DHRSX: variants seen among roughly 807,000 people sequenced by gnomAD.
DHRSX encodes polyprenol dehydrogenase.
A neutral mutation model predicts 34.0 loss-of-function variants in DHRSX; 31 were observed. The observed-to-expected ratio is 0.91, with a 90% CI of 0.69 to 1.23. DHRSX has a LOEUF of 1.23. Ranked by LOEUF, DHRSX falls within the 50% of genes most tolerant of loss-of-function variation. DHRSX has a pLI of 0.00. For synonymous variants in DHRSX, 201 were observed against 183.8 expected (o/e 1.09, Z -0.76); for missense variants, 414 against 428.1 (o/e 0.97, Z 0.29).
At chrX:2,238,659 C>G (rs1317995473) in intron 6 of DHRSX, among the ~76,000 whole-genome samples, 1 of 151,340 alleles carries the variant, frequency 6.6e-6, no homozygotes, top group Admixed American at 6.6e-5. Flanking sequence ...TCTCGGCTTA[C>G]TGCAACCTCC....
intron 1 of DHRSX, among the ~76,000 whole-genome samples, chrX:2,462,243 A>G (rs985908960): frequency 2.6e-5 from 4 of 152,058 alleles, no homozygotes; most frequent in African/African-American, 9.7e-5. Flanking sequence ...AGCAGTTTCC[A>G]CAAACGCCAG....
At chrX:2,403,220 G>C (rs1166544167) in intron 3 of DHRSX, among the ~76,000 whole-genome samples, 2 of 152,030 alleles carry the variant, frequency 1.3e-5, no homozygotes, top group African/African-American at 4.8e-5. Flanking sequence ...AAGGATTGTT[G>C]ACTGTAGTCA....
At chrX:2,473,940 G>A (rs1251474443) in intron 1 of DHRSX, among the ~76,000 whole-genome samples, 4 of 149,706 alleles carry the variant, frequency 2.7e-5, no homozygotes, top group South Asian at 2.1e-4. Context: ...AGAAGGATGC[G>A]GACAGGGCAG....
At chrX:2,452,211 C>CA (rs879578554) in intron 1 of DHRSX, among the ~76,000 whole-genome samples, 24 of 151,718 alleles carry the variant, frequency 1.6e-4, no homozygotes, top group African/African-American at 4.1e-4. Context: ...AAGATGTTCC[C>CA]AAAAAATGTG....
At chrX:2,364,004 C>A in intron 3 of DHRSX, among the ~76,000 whole-genome samples, 1 of 151,920 alleles carries the variant, frequency 6.6e-6, no homozygotes, top group Non-Finnish European at 1.5e-5. Flanking sequence ...GGGAGGAGAC[C>A]CCTGATCCAC....
chrX:2,373,130 G>A (rs1161557824), intron 3 of DHRSX, among the ~76,000 whole-genome samples: 2 of 152,132 alleles, frequency 1.3e-5, no homozygotes, highest in Non-Finnish European at 2.9e-5. Context: ...GCTCCTGTAG[G>A]GGAACTTCCA....
At chrX:2,316,424 C>T (rs1409811035) in intron 3 of DHRSX, among the ~76,000 whole-genome samples, 1 of 152,072 alleles carries the variant, frequency 6.6e-6, no homozygotes, top group Non-Finnish European at 1.5e-5. Flanking sequence ...TGGTAGTGGG[C>T]GCCTGTAATC....
intron 1 of DHRSX, chrX:2,490,071 A>T (rs1351323346): frequency 6.2e-7 from 1 of 1,613,708 alleles, no homozygotes. Context: ...AGGCCCAGGA[A>T]GTGGGCGGCC....
chrX:2,425,236 C>G lies in DHRSX; in HGVS notation c.178G>C (p.Ala60Pro). The G allele has an allele frequency of 6.2e-7, 1 of 1,613,854 alleles. No homozygotes were observed. Among genetic ancestry groups the G allele is most frequent in the Non-Finnish European group, 8.5e-7 (1 of 1,179,824 alleles). The change falls in exon 2 of 7, where the codon GCG becomes CCG. Residue 60 changes from alanine to proline, a missense_variant. By Grantham distance (27) the Ala-to-Pro change is conservative (BLOSUM62 -1). Coordinates refer to ENST00000334651, the MANE Select transcript of DHRSX (RefSeq NM_145177.3). ...ATGCCAAGTCTCGCCAGATGCTTCG[C>G]TGTAGAATAGCCAATGCCATCTGTC... ...GGTDGIGYSTAKHLARLGMHV... is the reference protein window; with the variant it reads ...GGTDGIGYSTPKHLARLGMHV...
At chrX:2,410,778 G>T (rs1385205864) in intron 2 of DHRSX, among the ~76,000 whole-genome samples, 5 of 152,172 alleles carry the variant, frequency 3.3e-5, no homozygotes, top group Non-Finnish European at 5.9e-5. Flanking sequence ...AATGTTTTTG[G>T]CTCCAGTGGG....
intron 1 of DHRSX, chrX:2,488,511 T>G: frequency 7.9e-7 from 1 of 1,265,392 alleles, no homozygotes. Context: ...TTTTTCCACC[T>G]TCTAGGTGTC....
rs373235766 is a variant in DHRSX at position 2,359,030 on chromosome X, C to G, written c.286+49715G>C. Among the ~76,000 whole-genome samples, 288 of 151,736 alleles carry G rather than the reference C, an allele frequency of 1.9e-3. 12 individuals carry two copies. In the South Asian group the frequency reaches 0.06, roughly 31 times the overall value. ...AACATCACTGCTCATTAGAGACACG[C>G]AAATCAAAACCAGAATGAGATACCA... On this transcript the variant is annotated intron_variant, in intron 3 of 6. Transcript: ENST00000334651.
At chrX:2,249,260 C>T (rs1253358696) in intron 5 of DHRSX, among the ~76,000 whole-genome samples, 1 of 144,388 alleles carries the variant, frequency 6.9e-6, no homozygotes, top group Non-Finnish European at 1.5e-5. Context: ...TGGCACAATC[C>T]TGGCTCACTG....
intron 5 of DHRSX, among the ~76,000 whole-genome samples, chrX:2,249,646 C>T (rs945992259): frequency 2.7e-5 from 4 of 149,944 alleles, no homozygotes; most frequent in African/African-American, 9.8e-5. Flanking sequence ...GCCTCAGCCT[C>T]CCAAGTAGCT....
chrX:2,492,963 G>A (rs1046844126), intron 1 of DHRSX, among the ~76,000 whole-genome samples: 4 of 152,214 alleles, frequency 2.6e-5, no homozygotes, highest in African/African-American at 7.2e-5. Context: ...GGGCAGTCGC[G>A]GCCTGCGTTG....
intron 1 of DHRSX, among the ~76,000 whole-genome samples, chrX:2,479,423 C>T (rs1339118511): frequency 3.5e-5 from 5 of 142,488 alleles, no homozygotes; most frequent in South Asian, 2.3e-4. Context: ...TGCACACTGA[C>T]GACATTCCGT....
chrX:2,247,196 AC>A (rs1465215023), intron 5 of DHRSX, among the ~76,000 whole-genome samples: 3 of 151,986 alleles, frequency 2.0e-5, no homozygotes, highest in African/African-American at 7.2e-5. Flanking sequence ...TGATCCACCC[AC>A]CTTGGCCTTC....
chrX:2,415,003 A>C (rs1221563170), intron 2 of DHRSX, among the ~76,000 whole-genome samples: 3 of 151,880 alleles, frequency 2.0e-5, no homozygotes, highest in Non-Finnish European at 4.4e-5. Flanking sequence ...GACCTACCCA[A>C]CTAGAACTCA....
intron 5 of DHRSX, among the ~76,000 whole-genome samples, chrX:2,264,882 G>A (rs1045006476): frequency 3.6e-5 from 3 of 82,242 alleles, no homozygotes; most frequent in Non-Finnish European, 7.1e-5. Flanking sequence ...GCACTATGCC[G>A]GGCACCAATG....
Sources: gnomAD v4.1 joint callset for allele counts (sites outside exome capture counted in the v4.1 genomes callset) on GRCh38, gnomAD v4.1.1 for gene constraint, MANE v1.5 for transcripts, NCBI Gene and HGNC (gene_info 2026-07-23, HGNC 2026-07-21) for gene names.